Variants in CHODL observed in about 807,000 individuals in gnomAD.
CHODL encodes the protein transmembrane protein MT75.
CHODL carries 29 observed loss-of-function variants against 34.5 expected under a neutral mutation model. That is an observed-to-expected ratio of 0.84 (90% confidence interval 0.63 to 1.15). CHODL has a LOEUF of 1.15. CHODL is among the 50% of genes most tolerant of loss of function. The pLI is 0.00. For synonymous variants in CHODL, 125 were observed against 116.1 expected (o/e 1.08, Z -0.49); for missense variants, 332 against 332.5 (o/e 1.00, Z 0.01).
intron 2 of CHODL, among the ~76,000 whole-genome samples, chr21:18,210,592 G>T (rs1366371947): frequency 1.3e-5 from 2 of 152,122 alleles, no homozygotes; most frequent in Non-Finnish European, 2.9e-5. Context: ...TAAAAACTCT[G>T]ACTCCTCTTT....
At chr21:18,167,947 A>G (rs538496049) in intron 2 of CHODL, among the ~76,000 whole-genome samples, 307 of 152,302 alleles carry the variant, frequency 2.0e-3, no homozygotes, top group African/African-American at 7.3e-3. Flanking sequence ...GGCACCATCT[A>G]ATCAGCTGCC....
intron 2 of CHODL, among the ~76,000 whole-genome samples, chr21:18,172,753 C>CTG (rs1400745746): frequency 6.6e-6 from 1 of 152,142 alleles, no homozygotes; most frequent in East Asian, 1.9e-4. Context: ...GTTTTCTATG[C>CTG]TGTGTAACAA....
intron 2 of CHODL, among the ~76,000 whole-genome samples, chr21:18,128,456 G>T (rs999159240): frequency 4.7e-5 from 7 of 150,526 alleles, no homozygotes; most frequent in African/African-American, 1.7e-4. Context: ...AACCTCAAAA[G>T]CACAAGACAA....
intron 1 of CHODL, among the ~76,000 whole-genome samples, chr21:18,023,598 G>A (rs577884805): frequency 3.9e-5 from 6 of 152,020 alleles, no homozygotes; most frequent in Non-Finnish European, 7.4e-5. Flanking sequence ...GGGCAGGCAC[G>A]GTGCCTCATA....
At chr21:17,981,350 AC>A (rs988641386) in intron 1 of CHODL, among the ~76,000 whole-genome samples, 2 of 152,182 alleles carry the variant, frequency 1.3e-5, no homozygotes, top group African/African-American at 4.8e-5. Flanking sequence ...TAAACAAAGA[AC>A]TGTTTCAAAC....
At chr21:18,135,749 CA>C in intron 2 of CHODL, among the ~76,000 whole-genome samples, 1 of 152,126 alleles carries the variant, frequency 6.6e-6, no homozygotes, top group East Asian at 1.9e-4. Context: ...TTCCTAATGC[CA>C]ATAATAGTAC....
intron 2 of CHODL, among the ~76,000 whole-genome samples, chr21:18,184,194 G>A (rs189993054): frequency 6.6e-6 from 1 of 152,270 alleles, no homozygotes; most frequent in African/African-American, 2.4e-5. Context: ...GAAGAAAAGC[G>A]ATTTTGAGTA....
At chr21:18,171,736 G>GT (rs71189587) in intron 2 of CHODL, among the ~76,000 whole-genome samples, 2,644 of 146,534 alleles carry the variant, frequency 0.018, 71 homozygotes, top group African/African-American at 0.06. Flanking sequence ...ATTCTCTTCA[G>GT]TTTTTTTTTT....
At chr21:18,107,855 A>G (rs1002140993) in intron 2 of CHODL, among the ~76,000 whole-genome samples, 1 of 152,220 alleles carries the variant, frequency 6.6e-6, no homozygotes, top group East Asian at 1.9e-4. Context: ...GTGTGGATGT[A>G]AGACTGTTTG....
At chr21:18,232,942 G>GAC (rs936769353) in intron 2 of CHODL, among the ~76,000 whole-genome samples, 1 of 119,424 alleles carries the variant, frequency 8.4e-6, no homozygotes, top group Non-Finnish European at 1.7e-5. Flanking sequence ...ATGATGTTAT[G>GAC]ATATATATAT....
At chr21:18,245,455 G>C (rs1350561687) in intron 1 of CHODL, among the ~76,000 whole-genome samples, 153 bp downstream of exon 1, 1 of 152,016 alleles carries the variant, frequency 6.6e-6, no homozygotes, top group Admixed American at 6.5e-5. Flanking sequence ...TGATTGTGCT[G>C]TTCTCCTCCC....
intron 2 of CHODL, among the ~76,000 whole-genome samples, chr21:18,127,371 A>T (rs1388526926): frequency 1.3e-5 from 2 of 152,168 alleles, no homozygotes; most frequent in African/African-American, 4.8e-5. Flanking sequence ...AGAGATCTAT[A>T]GGAAAATGGT....
Position 17,950,527 on chromosome 21 carries a change from CACACACACTT to C in CHODL, c.-145+33128_-145+33137del, listed in dbSNP as rs1245985232. The stretch of plus-strand genomic sequence containing the variant: ...ACACACACACACACACACACACACA[CACACACACTT>C]CTTTAAAGCCATCTAAGAACTGTGG... On this transcript the variant is annotated intron_variant, in intron 1 of 6. Coordinates refer to the CHODL transcript ENST00000400127. Among the ~76,000 whole-genome samples the C allele has an allele frequency of 9.0e-3, 1,143 of 126,818 alleles. 13 individuals carry two copies. Among genetic ancestry groups the C allele is most frequent in the African/African-American group, 0.032 (1,079 of 34,044 alleles). The allele number at this position is 126,818 out of a possible 152,430, so 83.2% of individuals were successfully genotyped here.
At chr21:18,132,841 C>T (rs893075329) in intron 2 of CHODL, among the ~76,000 whole-genome samples, 11 of 151,974 alleles carry the variant, frequency 7.2e-5, no homozygotes, top group Non-Finnish European at 1.2e-4. Context: ...ACCTCCATCC[C>T]GTCCAATTAT....
intron 2 of CHODL, among the ~76,000 whole-genome samples, chr21:18,128,393 A>AT (rs754312411): frequency 4.4e-4 from 66 of 150,560 alleles, no homozygotes; most frequent in Non-Finnish European, 8.1e-4. Context: ...AAACTTAAAG[A>AT]TTTCCACAGC....
At chr21:18,195,222 T>C (rs773798081) in intron 2 of CHODL, among the ~76,000 whole-genome samples, 7 of 151,900 alleles carry the variant, frequency 4.6e-5, no homozygotes, top group Admixed American at 1.3e-4. Flanking sequence ...ACCTGGCTAA[T>C]TTTTTGTATT....
intron 1 of CHODL, among the ~76,000 whole-genome samples, chr21:17,991,499 C>T (rs950097128): frequency 6.6e-6 from 1 of 151,852 alleles, no homozygotes; most frequent in African/African-American, 2.4e-5. Flanking sequence ...GTAGCCATGC[C>T]AACTATGGTG....
At chr21:18,008,153 TA>T (rs905082635) in intron 1 of CHODL, among the ~76,000 whole-genome samples, 12 of 151,804 alleles carry the variant, frequency 7.9e-5, no homozygotes, top group African/African-American at 2.7e-4. Flanking sequence ...TTCTTTTTTT[TA>T]AAAAAAAGCT....
At chr21:18,149,381 C>G (rs1411098911) in intron 2 of CHODL, among the ~76,000 whole-genome samples, 1 of 152,166 alleles carries the variant, frequency 6.6e-6, no homozygotes, top group Non-Finnish European at 1.5e-5. Context: ...TCTTGTAGCA[C>G]TGGTAGTCAG....
Sources: allele counts gnomAD v4.1 joint callset (sites outside exome capture counted in the v4.1 genomes callset), GRCh38; gene constraint gnomAD v4.1.1; transcripts MANE v1.5; gene names NCBI Gene and HGNC (gene_info 2026-07-23, HGNC 2026-07-21).